The following SPON1 variants were observed in gnomAD, a reference collection of about 807,000 sequenced individuals.
The protein encoded by SPON1 is spondin-1.
In SPON1, 52 loss-of-function variants were observed where a neutral mutation model predicts 111.7. The observed-to-expected ratio is 0.47, with a 90% CI of 0.37 to 0.59. The LOEUF is 0.59. Ranked by LOEUF, SPON1 falls within the 20% of genes least tolerant of loss-of-function variation. The pLI is 0.00. For missense variants in SPON1, 957 were observed against 1,068.5 expected (o/e 0.90, Z 1.46); for synonymous variants, 410 against 395.8 (o/e 1.04, Z -0.43).
At chr11:14,018,909 A>G (rs1554914552) in intron 2 of SPON1, among the ~76,000 whole-genome samples, 1 of 152,236 alleles carries the variant, frequency 6.6e-6, no homozygotes, top group South Asian at 2.1e-4. Context: ...AGCAGCCAGC[A>G]CTTGTAAGCA....
intron 7 of SPON1, among the ~76,000 whole-genome samples, chr11:14,244,516 C>CAAA (rs1335324550): frequency 9.1e-6 from 1 of 109,786 alleles, no homozygotes; most frequent in Non-Finnish European, 1.9e-5. Flanking sequence ...GAATCCATCT[C>CAAA]AAAAAAAAAA....
intron 5 of SPON1, among the ~76,000 whole-genome samples, chr11:14,122,534 C>A (rs1014838752): frequency 6.6e-6 from 1 of 152,186 alleles, no homozygotes; most frequent in African/African-American, 2.4e-5. Flanking sequence ...ACTCCAATTA[C>A]CACTATGTTA....
intron 6 of SPON1, among the ~76,000 whole-genome samples, chr11:14,166,415 C>T (rs1848030232): frequency 6.6e-6 from 1 of 152,112 alleles, no homozygotes; most frequent in Non-Finnish European, 1.5e-5. Flanking sequence ...AGAAATTAGT[C>T]CTCTTGTCTC....
At chr11:14,096,726 C>T (rs1849104367) in intron 5 of SPON1, among the ~76,000 whole-genome samples, 1 of 152,166 alleles carries the variant, frequency 6.6e-6, no homozygotes. Flanking sequence ...TTCACCTTTC[C>T]TTATTGCACT....
chr11:14,159,914 G>A (rs1223583859), intron 6 of SPON1, among the ~76,000 whole-genome samples: 1 of 144,642 alleles, frequency 6.9e-6, no homozygotes, highest in Non-Finnish European at 1.5e-5. Context: ...GGGAGGTGGG[G>A]GGGATGGGGA....
In SPON1 at chr11:14,113,595, T is replaced by A. The variant is rs1554925673; in HGVS notation, c.677-21825T>A. ...TTTTTTTTTTTTTTTTTTTTTTTTTTTTTTTTTTTTTTTTTTTTTTTTTTT... is the reference window on the plus strand; with the variant it reads ...TTTTTTTTTTTTTTTTTTTTTTTTTATTTTTTTTTTTTTTTTTTTTTTTTT... On this transcript the variant is annotated intron_variant, in intron 5 of 15. Transcript: ENST00000576479. Among the ~76,000 whole-genome samples, 96 of 42,672 alleles carry A rather than the reference T, an allele frequency of 2.2e-3. 4 individuals carry two copies. The highest frequency in any genetic ancestry group is 3.4e-3 in the Non-Finnish European group (67 of 19,544). The allele number at this position is 42,672 out of a possible 152,430, so 28.0% of individuals were successfully genotyped here.
Position 14,048,204 on chromosome 11 carries a change from A to C in SPON1, c.479+6550A>C, listed in dbSNP as rs1441888349. Among the ~76,000 whole-genome samples, 4 of 152,194 alleles carry C rather than the reference A, an allele frequency of 2.6e-5. No individual in the cohort carries two copies. The East Asian group carries it at 7.7e-4, about 29-fold the overall frequency. On this transcript the variant is annotated intron_variant, in intron 3 of 15. Coordinates refer to ENST00000576479, the MANE Select transcript of SPON1 (RefSeq NM_006108.4). ...CATTGAGCGGAGATCATGCCATTGCACTCCAGCCTGGGCAACAAGAGTGAA... is the reference window on the plus strand; with the variant it reads ...CATTGAGCGGAGATCATGCCATTGCCCTCCAGCCTGGGCAACAAGAGTGAA...
intron 3 of SPON1, among the ~76,000 whole-genome samples, chr11:14,072,797 T>C (rs1172010585): frequency 6.6e-6 from 1 of 152,218 alleles, no homozygotes; most frequent in Non-Finnish European, 1.5e-5. Flanking sequence ...TGGTTTTTAC[T>C]ACATCCTGAG....
intron 3 of SPON1, among the ~76,000 whole-genome samples, chr11:14,060,965 A>G (rs1389209945): frequency 6.6e-6 from 1 of 152,162 alleles, no homozygotes; most frequent in Non-Finnish European, 1.5e-5. Context: ...AGGCATAAAT[A>G]TGAGAAGTTA....
At chr11:14,125,818 G>C (rs1847453215) in intron 5 of SPON1, among the ~76,000 whole-genome samples, 4 of 152,200 alleles carry the variant, frequency 2.6e-5, no homozygotes, top group African/African-American at 4.8e-5. Context: ...CCTGAGTACA[G>C]AGGCTGAGAA....
rs1203820672 is a variant in SPON1, at chr11:14,259,592, C to T, written c.1722C>T (p.Cys574=). Residue 574 remains cysteine, a synonymous_variant, in exon 13 of 16, where the codon TGC becomes TGT. Transcript: ENST00000576479. The surrounding 1 kb of genome is among the most constrained non-coding windows in gnomAD (Gnocchi z 5.0). The part of the protein sequence containing the change: ...WGEWDECSAT[C]GMGMKKRHRM... ...AGTGGGACGAGTGCAGCGCCACCTG[C>T]GGCATGGGCATGAAGAAGCGGCACC... 2.6e-6 allele frequency: 4 copies of T among 1,555,398 alleles called. No homozygotes were observed. Among genetic ancestry groups the T allele is most frequent in the Admixed American group, 2.0e-5 (1 of 51,256 alleles).
chr11:14,173,296 G>A (rs1186850302), intron 6 of SPON1, among the ~76,000 whole-genome samples: 1 of 152,134 alleles, frequency 6.6e-6, no homozygotes, highest in Non-Finnish European at 1.5e-5. Context: ...GGCTACTGAG[G>A]CTTGTGCATT....
At chr11:14,139,162 T>G (rs1847623408) in intron 6 of SPON1, among the ~76,000 whole-genome samples, 1 of 152,252 alleles carries the variant, frequency 6.6e-6, no homozygotes, top group Non-Finnish European at 1.5e-5. Context: ...TATTTCTTGC[T>G]GCAAATCTAA....
intron 2 of SPON1, among the ~76,000 whole-genome samples, chr11:14,036,238 G>T (rs1001493484): frequency 2.0e-5 from 3 of 152,170 alleles, no homozygotes; most frequent in African/African-American, 4.8e-5. Flanking sequence ...AAGGCCTGTG[G>T]CTTGCAGTAT....
intron 6 of SPON1, among the ~76,000 whole-genome samples, chr11:14,241,535 G>A (rs1292486848): frequency 6.6e-6 from 1 of 152,162 alleles, no homozygotes; most frequent in African/African-American, 2.4e-5. Context: ...GGAGCTGCTG[G>A]TGTTTGGCAC....
chr11:14,150,700 C>T (rs1483199372), intron 6 of SPON1, among the ~76,000 whole-genome samples: 4 of 151,998 alleles, frequency 2.6e-5, no homozygotes, highest in African/African-American at 7.3e-5. Context: ...TTAATGTTTT[C>T]GTTATATTGA....
At chr11:14,020,554 T>G (rs1387040700) in intron 2 of SPON1, among the ~76,000 whole-genome samples, 2 of 152,224 alleles carry the variant, frequency 1.3e-5, no homozygotes, top group Non-Finnish European at 2.9e-5. Flanking sequence ...CTCTGAAATT[T>G]CACTTCTAGG....
Position 14,126,067 on chromosome 11 carries a change from G to C in SPON1, c.677-9353G>C, listed in dbSNP as rs529940196. ...AAGGCATTTCCTCTTCCTCCAGGGAGAGTCTGCCTTTTATGTTCTATTCAG... is the reference window on the plus strand; with the variant it reads ...AAGGCATTTCCTCTTCCTCCAGGGACAGTCTGCCTTTTATGTTCTATTCAG... On this transcript the variant is annotated intron_variant, in intron 5 of 15. Coordinates refer to ENST00000576479, the MANE Select transcript of SPON1 (RefSeq NM_006108.4). 9.2e-5 allele frequency among the ~76,000 whole-genome samples: 14 copies of C among 152,338 alleles called. 1 individual carries two copies. The South Asian group carries it at 2.5e-3, about 27-fold the overall frequency.
chr11:14,115,618 T>C (rs1057065903), intron 5 of SPON1, among the ~76,000 whole-genome samples: 1 of 152,248 alleles, frequency 6.6e-6, no homozygotes, highest in African/African-American at 2.4e-5. Flanking sequence ...TTCTCATAGC[T>C]GTATAATATT....
Sources: gnomAD v4.1 joint callset for allele counts (sites outside exome capture counted in the v4.1 genomes callset) on GRCh38, gnomAD v4.1.1 for gene constraint, Gnocchi (gnomAD v3.1) non-coding constraint, MANE v1.5 for transcripts, NCBI Gene and HGNC (gene_info 2026-07-23, HGNC 2026-07-21) for gene names.